The following ESYT2 variants were observed in gnomAD, a reference collection of about 807,000 sequenced individuals.
ESYT2 encodes extended synaptotagmin-2.
In ESYT2, 54 loss-of-function variants were observed where a neutral mutation model predicts 107.2. The observed-to-expected ratio is 0.50, with a 90% CI of 0.40 to 0.63. The LOEUF is 0.63. Ranked by LOEUF, ESYT2 falls within the 30% of genes least tolerant of loss-of-function variation. The pLI is 0.00. For missense variants in ESYT2, 1,020 were observed against 1,094.5 expected (o/e 0.93, Z 0.96); for synonymous variants, 491 against 434.1 (o/e 1.13, Z -1.63).
chr7:158,748,090 C>A, intron 16 of ESYT2, 104 bp downstream of exon 16: 1 of 999,014 alleles, frequency 1.0e-6, no homozygotes, highest in East Asian at 2.6e-5. Flanking sequence ...CTGATTCTGG[C>A]GATGGATCCC....
chr7:158,802,438 A>T (rs1162065184), intron 1 of ESYT2, among the ~76,000 whole-genome samples: 3 of 152,176 alleles, frequency 2.0e-5, no homozygotes, highest in Admixed American at 6.5e-5. Context: ...CCGCCACCAC[A>T]AGTGGCTAAT....
chr7:158,746,423 T>C (rs12539767), intron 16 of ESYT2, among the ~76,000 whole-genome samples: 109,970 of 151,276 alleles, frequency 0.73, 43,236 homozygotes, highest in Non-Finnish European at 0.89. Context: ...GGCGGGAGGA[T>C]TGCTTGAGCC....
intron 11 of ESYT2, among the ~76,000 whole-genome samples, chr7:158,761,210 T>C (rs1047845303): frequency 6.6e-6 from 1 of 152,206 alleles, no homozygotes; most frequent in Admixed American, 6.5e-5. Context: ...CTGCAGGGGA[T>C]CGCATATTTG....
At chr7:158,820,306 T>C (rs1185767316) in intron 1 of ESYT2, among the ~76,000 whole-genome samples, 2 of 152,228 alleles carry the variant, frequency 1.3e-5, no homozygotes, top group East Asian at 1.9e-4. Context: ...ACTGTAACTA[T>C]AGTTAGCAAC....
chr7:158,754,572 G>C (rs1837690616), intron 13 of ESYT2, among the ~76,000 whole-genome samples: 1 of 152,050 alleles, frequency 6.6e-6, no homozygotes, highest in Non-Finnish European at 1.5e-5. Context: ...TTAGGCCTAA[G>C]GGCCTCCACA....
intron 1 of ESYT2, among the ~76,000 whole-genome samples, chr7:158,804,735 G>A (rs753492997): frequency 6.7e-6 from 1 of 150,226 alleles, no homozygotes; most frequent in Non-Finnish European, 1.5e-5. Flanking sequence ...AAAGTGAGGC[G>A]CTTGATAAAC....
At chr7:158,824,353 C>A (rs1443970545) in intron 1 of ESYT2, among the ~76,000 whole-genome samples, 4 of 152,166 alleles carry the variant, frequency 2.6e-5, no homozygotes, top group Non-Finnish European at 5.9e-5. Flanking sequence ...ATTAGCTATG[C>A]CAACTATTTT....
In ESYT2 at chr7:158,734,465, C is replaced by A; in HGVS notation, c.2512G>T (p.Val838Phe). The change falls in exon 22 of 23, where the codon GTT becomes TTT. Residue 838 changes from valine (V) to phenylalanine (F), a missense_variant. Transcript: ENST00000275418. ...GCAAGTTCTTCAGATGCCAGAGCAACCAATACCTGTGGGTTGTTAAAAAAG... is the reference window on the plus strand; with the variant it reads ...GCAAGTTCTTCAGATGCCAGAGCAAACAATACCTGTGGGTTGTTAAAAAAG... ...KDKGLLGKVL[V>F]ALASEELAKG... The A allele has an allele frequency of 6.2e-7, 1 of 1,613,736 alleles. No individual in the cohort carries two copies. The highest frequency in any genetic ancestry group is 8.5e-7 in the Non-Finnish European group (1 of 1,179,824).
chr7:158,777,286 G>A (rs1186467707), intron 6 of ESYT2, among the ~76,000 whole-genome samples: 1 of 152,154 alleles, frequency 6.6e-6, no homozygotes, highest in Non-Finnish European at 1.5e-5. Flanking sequence ...CCAGGAGAGG[G>A]AGACATAGGA....
At position 158,739,067 on chromosome 7, in the gene ESYT2, G is replaced by A; in HGVS notation, c.2223C>T (p.His741=). The A allele has an allele frequency of 1.9e-6, 3 of 1,614,150 alleles. No homozygotes were observed. Among genetic ancestry groups the A allele is most frequent in the South Asian group, 1.1e-5 (1 of 91,086 alleles). ...PLGQIQLTIR[H]SSQRNKLIVV... ...CGATAAGCTTGTTTCTCTGCGAGCT[G>A]TGCCGGATGGTCAGCTGGATCTGCC... The change falls in exon 19 of 23, where the codon CAC becomes CAT. Residue 741 remains histidine, a synonymous_variant. Transcript: ENST00000275418.
At chr7:158,815,414 G>A (rs1840123480) in intron 1 of ESYT2, among the ~76,000 whole-genome samples, 2 of 151,964 alleles carry the variant, frequency 1.3e-5, no homozygotes, top group African/African-American at 4.8e-5. Flanking sequence ...CACATTCCTG[G>A]CTCACTCATC....
intron 6 of ESYT2, among the ~76,000 whole-genome samples, chr7:158,787,160 T>C (rs1480680218): frequency 6.6e-6 from 1 of 152,156 alleles, no homozygotes; most frequent in East Asian, 1.9e-4. Context: ...GTTTGTCTGG[T>C]GGGAGTAACA....
At position 158,797,956 on chromosome 7, in the gene ESYT2, C is replaced by T. The variant is rs748637139; in HGVS notation, c.493G>A (p.Asp165Asn). The change falls in exon 3 of 23, where the codon GAC becomes AAC. Residue 165 changes from aspartate to asparagine, a missense_variant. Coordinates refer to ENST00000275418, the MANE Select transcript of ESYT2 (RefSeq NM_001367773.1). Reference sequence around the variant, plus strand: ...AGAACACTGACCTGCTGGCCCACGTCGACCTTCGTGAAACTAAAGGTGCTA... The same window carrying T: ...AGAACACTGACCTGCTGGCCCACGTTGACCTTCGTGAAACTAAAGGTGCTA... Reference protein sequence around the residue: ...HLSTFSFTKVDVGQQPLRING... With the variant: ...HLSTFSFTKVNVGQQPLRING... The T allele has an allele frequency of 8.7e-6, 14 of 1,613,964 alleles. No homozygotes were observed. The East Asian group carries it at 8.9e-5, about 10-fold the overall frequency.
At chr7:158,755,638 TA>T (rs925128586) in intron 13 of ESYT2, among the ~76,000 whole-genome samples, 21 of 152,198 alleles carry the variant, frequency 1.4e-4, no homozygotes, top group Non-Finnish European at 2.8e-4. Context: ...TTTTAAGCAG[TA>T]AAACAGGTAC....
rs899412260 is a variant in ESYT2 at position 158,737,141 on chromosome 7, T to C, written c.2306A>G (p.Tyr769Cys). The C allele has an allele frequency of 8.1e-6, 13 of 1,613,830 alleles. No homozygotes were observed. In the Admixed American group the frequency reaches 8.3e-5, roughly 10 times the overall value. Residue 769 changes from tyrosine (Y) to cysteine (C), a missense_variant, in exon 20 of 23, where the codon TAT becomes TGT. Coordinates refer to ENST00000275418, the MANE Select transcript of ESYT2 (RefSeq NM_001367773.1). ...IAFSEDGSDP[Y>C]VRMYLLPDKR... ...GTCTGGTAATAAATACATGCGGACA[T>C]AGGGGTCAGAGCCGTCTTCAGAGAA... is the stretch of plus-strand genomic sequence containing the variant.
At chr7:158,750,128 C>T (rs565593747) in intron 14 of ESYT2, among the ~76,000 whole-genome samples, 3 of 152,114 alleles carry the variant, frequency 2.0e-5, no homozygotes, top group Non-Finnish European at 2.9e-5. Flanking sequence ...ATTTCTCTGG[C>T]GGGAATAAAA....
chr7:158,733,655 A>C lies in ESYT2; in HGVS notation c.*552T>G, dbSNP rs183502540. 6 of 152,444 alleles carry C rather than the reference A, an allele frequency of 3.9e-5. No homozygotes were observed. The highest frequency in any genetic ancestry group is 1.4e-4 in the African/African-American group (6 of 41,572). 9.4% of individuals were successfully genotyped at this position (152,444 alleles called of 1,614,324 possible). A position where few individuals can be genotyped will look rare whatever the true frequency, so the allele number is the denominator to read the frequency against. ...ATTTCATCTTTCATAATGGGCAGAA[A>C]CATACTAGCATTTAATAATATTTCA... On this transcript the variant is annotated 3_prime_UTR_variant, in exon 23 of 23. Transcript: ENST00000275418.
At chr7:158,754,736 C>T (rs73519520) in intron 13 of ESYT2, among the ~76,000 whole-genome samples, 3,178 of 152,212 alleles carry the variant, frequency 0.021, 109 homozygotes, top group African/African-American at 0.071. Flanking sequence ...GGACAAGAGG[C>T]GCCAAGCACC....
At position 158,737,046 on chromosome 7, in the gene ESYT2, AC is replaced by A. The variant is rs780628638; in HGVS notation, c.2399+1del. ...TATCCTCAGCTGGATAAAATACCGT[AC>A]CTTTGATCAAACACTGGATTTAATG... On this transcript the variant is annotated splice_donor_variant, in intron 20 of 22. Transcript: ENST00000275418. 6.2e-7 allele frequency: 1 copy of A among 1,612,986 alleles called. No individual in the cohort carries two copies. Among genetic ancestry groups the A allele is most frequent in the Non-Finnish European group, 8.5e-7 (1 of 1,179,220 alleles).
Sources: gnomAD v4.1 joint callset for allele counts (sites outside exome capture counted in the v4.1 genomes callset) on GRCh38, gnomAD v4.1.1 for gene constraint, MANE v1.5 for transcripts, NCBI Gene and HGNC (gene_info 2026-07-23, HGNC 2026-07-21) for gene names.